KCNB2: variants seen among roughly 807,000 people sequenced by gnomAD.
KCNB2 encodes the protein potassium voltage-gated channel subfamily B member 2, also known as delayed rectifier potassium channel protein.
A neutral mutation model predicts 61.5 loss-of-function variants in KCNB2; 15 were observed. That is an observed-to-expected ratio of 0.24 (90% confidence interval 0.16 to 0.38). The LOEUF (loss-of-function observed/expected upper bound fraction) is 0.38, where lower values mean the gene tolerates loss of function less well. Among genes scored for constraint, KCNB2 ranks in the 10% least tolerant of loss-of-function variants. The pLI is 1.00. For synonymous variants in KCNB2, 457 were observed against 446.0 expected (o/e 1.02, Z -0.31); for missense variants, 828 against 1,125.2 (o/e 0.74, Z 3.78).
intron 2 of KCNB2, among the ~76,000 whole-genome samples, chr8:72,818,571 T>C (rs1809443081): frequency 6.6e-6 from 1 of 152,186 alleles, no homozygotes; most frequent in African/African-American, 2.4e-5. Flanking sequence ...GGTTGGAGAA[T>C]CTTCTAGGTA....
At chr8:72,658,719 G>A (rs1806332399) in intron 2 of KCNB2, among the ~76,000 whole-genome samples, 1 of 152,170 alleles carries the variant, frequency 6.6e-6, no homozygotes, top group African/African-American at 2.4e-5. Flanking sequence ...GACTTTTTAA[G>A]TTGAAGCCAA....
intron 2 of KCNB2, among the ~76,000 whole-genome samples, chr8:72,869,811 A>G (rs1186344345): frequency 6.6e-6 from 1 of 152,228 alleles, no homozygotes; most frequent in African/African-American, 2.4e-5. Flanking sequence ...AAGTAGAACT[A>G]CCATCTGATC....
At chr8:72,737,404 AAGGTTAC>A (rs747969015) in intron 2 of KCNB2, among the ~76,000 whole-genome samples, 124 of 152,336 alleles carry the variant, frequency 8.1e-4, no homozygotes, top group Non-Finnish European at 1.6e-3. Flanking sequence ...ACTGTGGGAC[AAGGTTAC>A]ACCTTCACAG....
intron 2 of KCNB2, among the ~76,000 whole-genome samples, chr8:72,677,063 C>T (rs1481670548): frequency 1.3e-5 from 2 of 151,382 alleles, no homozygotes; most frequent in African/African-American, 4.9e-5. Context: ...GCCCCTAAAC[C>T]AATATGACTT....
intron 2 of KCNB2, among the ~76,000 whole-genome samples, chr8:72,840,812 CAGAT>C: frequency 6.6e-6 from 1 of 151,938 alleles, no homozygotes; most frequent in South Asian, 2.1e-4. Flanking sequence ...TGCCCTTTGT[CAGAT>C]GGATAGATTG....
intron 2 of KCNB2, among the ~76,000 whole-genome samples, chr8:72,627,708 C>A (rs560267735): frequency 1.3e-5 from 2 of 152,300 alleles, no homozygotes; most frequent in South Asian, 4.1e-4. Context: ...TTGAGCCGCA[C>A]CCATCCACAT....
intron 2 of KCNB2, among the ~76,000 whole-genome samples, chr8:72,579,629 G>C (rs547294217): frequency 6.6e-6 from 1 of 152,116 alleles, no homozygotes. Context: ...CCGCTTTCTC[G>C]TAATAGCGTC....
chr8:72,614,575 G>A (rs1805590154), intron 2 of KCNB2, among the ~76,000 whole-genome samples: 1 of 152,180 alleles, frequency 6.6e-6, no homozygotes, highest in Non-Finnish European at 1.5e-5. Flanking sequence ...GACTGTTGTT[G>A]TTAGTGGACA....
At chr8:72,700,917 C>G (rs755685350) in intron 2 of KCNB2, among the ~76,000 whole-genome samples, 16 of 152,122 alleles carry the variant, frequency 1.1e-4, no homozygotes, top group Non-Finnish European at 2.1e-4. Flanking sequence ...AGAACAAAAT[C>G]TCGTCCTTTG....
chr8:72,915,502 G>A (rs1478666070), intron 2 of KCNB2, among the ~76,000 whole-genome samples: 1 of 152,190 alleles, frequency 6.6e-6, no homozygotes, highest in Admixed American at 6.5e-5. Flanking sequence ...GGAGTTCGAT[G>A]TAGAGCTTAT....
chr8:72,588,343 C>T (rs1418093161), intron 2 of KCNB2, among the ~76,000 whole-genome samples: 2 of 151,480 alleles, frequency 1.3e-5, no homozygotes, highest in Admixed American at 6.6e-5. Context: ...CTCAGCCTCT[C>T]GAATAGCTGG....
intron 2 of KCNB2, among the ~76,000 whole-genome samples, chr8:72,626,077 A>T (rs916821075): frequency 2.0e-5 from 3 of 152,228 alleles, no homozygotes; most frequent in Non-Finnish European, 2.9e-5. Context: ...AAAACCTAGG[A>T]TTCATTCAGC....
At chr8:72,817,756 C>T (rs563547401) in intron 2 of KCNB2, among the ~76,000 whole-genome samples, 1 of 152,194 alleles carries the variant, frequency 6.6e-6, no homozygotes, top group South Asian at 2.1e-4. Flanking sequence ...TTAGGGGATT[C>T]CTTAGTGACT....
At chr8:72,883,757 A>G (rs1337585743) in intron 2 of KCNB2, among the ~76,000 whole-genome samples, 1 of 152,164 alleles carries the variant, frequency 6.6e-6, no homozygotes, top group Non-Finnish European at 1.5e-5. Context: ...TAACCATTTG[A>G]CAGGCCCATT....
chr8:72,735,110 A>G (rs917953670), intron 2 of KCNB2, among the ~76,000 whole-genome samples: 5 of 152,148 alleles, frequency 3.3e-5, no homozygotes, highest in African/African-American at 1.2e-4. Flanking sequence ...TTCATAGTCA[A>G]ATTATAGTCA....
intron 1 of KCNB2, among the ~76,000 whole-genome samples, chr8:72,554,680 TC>T (rs1391504300): frequency 6.6e-6 from 1 of 152,138 alleles, no homozygotes; most frequent in Non-Finnish European, 1.5e-5. Flanking sequence ...GTGGACCCCT[TC>T]TAACTATAAA....
chr8:72,541,929 T>A (rs1204048091), intron 1 of KCNB2, among the ~76,000 whole-genome samples: 1 of 152,128 alleles, frequency 6.6e-6, no homozygotes, highest in Non-Finnish European at 1.5e-5. Flanking sequence ...AAATTATTAG[T>A]TCTGAAATAT....
chr8:72,842,705 T>C (rs1036006964), intron 2 of KCNB2, among the ~76,000 whole-genome samples: 1 of 152,226 alleles, frequency 6.6e-6, no homozygotes, highest in African/African-American at 2.4e-5. Flanking sequence ...CTTCTAGATT[T>C]TCTAGTTTAT....
chr8:72,595,673 A>G (rs1022397918), intron 2 of KCNB2, among the ~76,000 whole-genome samples: 1 of 152,026 alleles, frequency 6.6e-6, no homozygotes, highest in African/African-American at 2.4e-5. Context: ...ATATGTCCCT[A>G]GCTCTGAGAA....
Sources: gnomAD v4.1 joint callset for allele counts (sites outside exome capture counted in the v4.1 genomes callset) on GRCh38, gnomAD v4.1.1 for gene constraint, MANE v1.5 for transcripts, NCBI Gene and HGNC (gene_info 2026-07-23, HGNC 2026-07-21) for gene names.